The following ALDH1A2 variants were observed in gnomAD, a reference collection of about 807,000 sequenced individuals.
ALDH1A2 encodes aldehyde dehydrogenase 1 family member A2.
A neutral mutation model predicts 60.3 loss-of-function variants in ALDH1A2; 27 were observed. The observed-to-expected ratio is 0.45, with a 90% CI of 0.33 to 0.62. The LOEUF (loss-of-function observed/expected upper bound fraction) is 0.62. Ranked by LOEUF, ALDH1A2 falls within the 20% of genes least tolerant of loss-of-function variation. ALDH1A2 has a pLI of 0.02. For missense variants in ALDH1A2, 581 were observed against 643.8 expected, an observed-to-expected ratio of 0.90 and a Z score of 1.06; for synonymous variants, 289 against 232.4, an observed-to-expected ratio of 1.24 and a Z score of -2.21.
chr15:58,061,090 T>C (rs1474020717), intron 1 of ALDH1A2, among the ~76,000 whole-genome samples: 3 of 152,064 alleles, frequency 2.0e-5, no homozygotes, highest in Admixed American at 6.6e-5. Context: ...TTTATAGAAA[T>C]AAAGAACGAG....
chr15:58,037,206 G>T (rs1303453528), intron 1 of ALDH1A2, among the ~76,000 whole-genome samples: 1 of 151,300 alleles, frequency 6.6e-6, no homozygotes, highest in Non-Finnish European at 1.5e-5. Context: ...AAATAAATCA[G>T]AAAACTCATA....
intron 12 of ALDH1A2, among the ~76,000 whole-genome samples, chr15:57,957,069 G>T (rs1191059652): frequency 3.3e-5 from 5 of 152,176 alleles, no homozygotes; most frequent in Non-Finnish European, 7.3e-5. Context: ...CAAAAGAACT[G>T]CTCTGTGCCC....
At position 58,040,671 on chromosome 15, in the gene ALDH1A2, A is replaced by T. The variant is rs191503930; in HGVS notation, c.117+24863T>A. Among the ~76,000 whole-genome samples, 286 of 152,066 alleles carry T rather than the reference A, an allele frequency of 1.9e-3. 1 individual carries two copies. Among genetic ancestry groups the T allele is most frequent in the Non-Finnish European group, 2.9e-3 (199 of 67,902 alleles). On this transcript the variant is annotated intron_variant, in intron 1 of 12. Transcript: ENST00000249750. ...TCTCCTCTGCTAAGATGTAACTTTA[A>T]ATTAAAGATCTATATTCTATTAGGC...
intron 9 of ALDH1A2, among the ~76,000 whole-genome samples, chr15:57,963,464 C>G (rs916282333): frequency 1.3e-5 from 2 of 151,940 alleles, no homozygotes; most frequent in Admixed American, 1.3e-4. Flanking sequence ...CTCAGCCTCC[C>G]GAGTAGCTGG....
At chr15:58,065,291 G>T (rs1165273102) in intron 1 of ALDH1A2, 25 of 538,410 alleles carry the variant, frequency 4.6e-5, no homozygotes, top group East Asian at 1.0e-4. Context: ...AGCCGTTGAC[G>T]GCTGCCCCTC....
intron 10 of ALDH1A2, 56 bp from the exon 11 acceptor site, chr15:57,961,350 T>C: frequency 6.3e-7 from 1 of 1,591,144 alleles, no homozygotes; most frequent in South Asian, 1.1e-5. Flanking sequence ...TTACCTGCTT[T>C]CCACATTTCA....
At chr15:58,031,561 A>G (rs1320724439) in intron 1 of ALDH1A2, among the ~76,000 whole-genome samples, 5 of 152,230 alleles carry the variant, frequency 3.3e-5, no homozygotes, top group African/African-American at 9.6e-5. Flanking sequence ...AGAAACTATC[A>G]TCAGAGTGAA....
chr15:58,010,544 G>A, intron 4 of ALDH1A2, 105 bp downstream of exon 4: 1 of 1,459,860 alleles, frequency 6.8e-7, no homozygotes, highest in East Asian at 2.3e-5. Context: ...TGCTGTAAGT[G>A]TGCTCATATC....
chr15:58,048,180 T>G (rs1419924770), intron 1 of ALDH1A2, among the ~76,000 whole-genome samples: 2 of 151,960 alleles, frequency 1.3e-5, no homozygotes, highest in African/African-American at 4.8e-5. Context: ...AAAAAAAATG[T>G]AAAACTAAAG....
At chr15:58,021,677 C>A (rs2704198) in intron 1 of ALDH1A2, among the ~76,000 whole-genome samples, 1 of 152,252 alleles carries the variant, frequency 6.6e-6, no homozygotes, top group Non-Finnish European at 1.5e-5. Flanking sequence ...CTTTGACAAA[C>A]GTCGTGCTGT....
intron 2 of ALDH1A2, 46 bp downstream of exon 2, chr15:58,014,131 G>C: frequency 6.2e-7 from 1 of 1,614,060 alleles, no homozygotes; most frequent in South Asian, 1.1e-5. Flanking sequence ...TCTGCTGTTT[G>C]AAGGCAGTTA....
intron 1 of ALDH1A2, among the ~76,000 whole-genome samples, chr15:58,045,479 G>T (rs1391063877): frequency 6.6e-6 from 1 of 152,086 alleles, no homozygotes; most frequent in Non-Finnish European, 1.5e-5. Context: ...CAATAGCAAA[G>T]ACTTGGAACC....
At chr15:57,969,453 G>A (rs1030986972) in intron 7 of ALDH1A2, among the ~76,000 whole-genome samples, 2 of 152,154 alleles carry the variant, frequency 1.3e-5, no homozygotes, top group African/African-American at 2.4e-5. Context: ...AACGAATTAC[G>A]CATACAACAA....
chr15:57,987,420 A>G lies in ALDH1A2; in HGVS notation c.798+5285T>C, dbSNP rs1595642145. Among the ~76,000 whole-genome samples, 4 of 152,228 alleles carry G rather than the reference A, an allele frequency of 2.6e-5. No individual in the cohort carries two copies. In the South Asian group the frequency reaches 8.3e-4, roughly 32 times the overall value. The stretch of plus-strand genomic sequence containing the variant: ...TCTCTCAAAAGCAGTCTGGGGGAAA[A>G]GAAACATTACTTACCGTAAAATAAA... On this transcript the variant is annotated intron_variant, in intron 7 of 12. Transcript: ENST00000249750.
intron 1 of ALDH1A2, among the ~76,000 whole-genome samples, chr15:58,027,889 T>C (rs780911441): frequency 9.2e-5 from 14 of 152,040 alleles, no homozygotes; most frequent in Non-Finnish European, 1.0e-4. Context: ...CCAAGAAATA[T>C]GGGACTATGT....
In ALDH1A2 at chr15:57,995,217, C is replaced by CAAAAAAAAAAA. The variant is rs34068380; in HGVS notation, c.494-89_494-79dup. 5.0e-4 allele frequency: 143 copies of CAAAAAAAAAAA among 287,952 alleles called. 7 individuals are homozygous for CAAAAAAAAAAA. Among genetic ancestry groups the CAAAAAAAAAAA allele is most frequent in the South Asian group, 1.3e-3 (29 of 21,702 alleles). The allele number at this position is 287,952 out of a possible 1,614,324, so 17.8% of individuals were successfully genotyped here. ...TGCAAAGGGAGAACTTTGGTGGCTGCAAAAAAAAAAAAAAAAAAACAAACA... is the reference window on the plus strand; with the variant it reads ...TGCAAAGGGAGAACTTTGGTGGCTGCAAAAAAAAAAAAAAAAAAAAAAAAAAAAAACAAACA... On this transcript the variant is annotated intron_variant, in intron 4 of 12. Coordinates refer to ENST00000249750, the MANE Select transcript of ALDH1A2 (RefSeq NM_003888.4).
In ALDH1A2 at chr15:58,010,720, T is replaced by C. The variant is rs2140514391; in HGVS notation, c.422A>G (p.Gln141Arg). 1.9e-6 allele frequency: 3 copies of C among 1,613,580 alleles called. No homozygotes were observed. Among genetic ancestry groups the C allele is most frequent in the East Asian group, 4.5e-5 (2 of 44,872 alleles). ...PFLQAFYVDL[Q>R]GVIKTFRYYA... ...ATATCGAAAGGTTTTGATGACGCCC[T>C]GCAAATCCACATAAAAAGCTTGCAG... Residue 141 changes from glutamine to arginine, a missense_variant, in exon 4 of 13, where the codon CAG (glutamine) becomes CGG (arginine). Gln to Arg is a conservative substitution (Grantham distance 43). Coordinates refer to ENST00000249750, the MANE Select transcript of ALDH1A2 (RefSeq NM_003888.4).
chr15:58,025,167 G>A lies in ALDH1A2; in HGVS notation c.118-10886C>T, dbSNP rs752746026. On this transcript the variant is annotated intron_variant, in intron 1 of 12. Transcript: ENST00000249750. ...GAAACCAAACCCCAAATTAGCAGAA[G>A]AAAATAAATAATAAAGATCAGATGT... Among the ~76,000 whole-genome samples the A allele has an allele frequency of 7.9e-5, 12 of 151,978 alleles. No individual in the cohort carries two copies. In the South Asian group the frequency reaches 1.2e-3, roughly 16 times the overall value.
intron 7 of ALDH1A2, among the ~76,000 whole-genome samples, chr15:57,972,317 T>C (rs964626749): frequency 2.0e-5 from 3 of 152,182 alleles, no homozygotes; most frequent in Non-Finnish European, 4.4e-5. Flanking sequence ...GTGAGTAGCA[T>C]TTTGACAGTT....
Sources: gnomAD v4.1 joint callset for allele counts (sites outside exome capture counted in the v4.1 genomes callset) on GRCh38, gnomAD v4.1.1 for gene constraint, MANE v1.5 for transcripts, NCBI Gene and HGNC (gene_info 2026-07-23, HGNC 2026-07-21) for gene names.